The following PDGFD variants were observed in gnomAD, a reference collection of about 807,000 sequenced individuals.
PDGFD encodes platelet derived growth factor D.
PDGFD carries 30 observed loss-of-function variants against 44.7 expected under a neutral mutation model. The ratio of observed to expected loss-of-function variants is 0.67; its 90% CI spans 0.50 to 0.91. The LOEUF is 0.91. PDGFD is among the 40% of genes least tolerant of loss of function. The pLI, the probability that PDGFD is intolerant of heterozygous loss-of-function variation, is 0.00. For synonymous variants in PDGFD, 173 were observed against 168.4 expected, an observed-to-expected ratio of 1.03 and a Z score of -0.21; for missense variants, 445 against 457.8, an observed-to-expected ratio of 0.97 and a Z score of 0.25.
At chr11:103,957,131 C>T (rs901353516) in intron 3 of PDGFD, among the ~76,000 whole-genome samples, 11 of 152,040 alleles carry the variant, frequency 7.2e-5, no homozygotes, top group Non-Finnish European at 1.5e-4. Flanking sequence ...GAAGTCCTTG[C>T]CCATGCCTAT....
At chr11:104,081,121 TG>T (rs1237335506) in intron 1 of PDGFD, among the ~76,000 whole-genome samples, 14 of 152,330 alleles carry the variant, frequency 9.2e-5, no homozygotes, top group African/African-American at 3.1e-4. Context: ...TGTTTATTTT[TG>T]TTTTTTTTTA....
At chr11:103,956,239 A>T (rs1258619043) in intron 3 of PDGFD, among the ~76,000 whole-genome samples, 4 of 150,118 alleles carry the variant, frequency 2.7e-5, no homozygotes, top group African/African-American at 7.4e-5. Context: ...CAGTCCCCAG[A>T]GCGTGATGTT....
intron 1 of PDGFD, among the ~76,000 whole-genome samples, chr11:104,021,541 C>T (rs1015771587): frequency 3.3e-5 from 5 of 152,080 alleles, no homozygotes; most frequent in Non-Finnish European, 5.9e-5. Flanking sequence ...CTACTAGACC[C>T]GCTTATGCTT....
At chr11:104,140,386 T>C (rs1862068073) in intron 1 of PDGFD, among the ~76,000 whole-genome samples, 1 of 152,068 alleles carries the variant, frequency 6.6e-6, no homozygotes, top group African/African-American at 2.4e-5. Context: ...GTTAAAGAGA[T>C]TGAGCTCACA....
chr11:103,971,823 C>T (rs982329166), intron 3 of PDGFD, among the ~76,000 whole-genome samples: 2 of 152,164 alleles, frequency 1.3e-5, no homozygotes, highest in Non-Finnish European at 2.9e-5. Context: ...ACATTGACTA[C>T]ATCCTCAGGT....
chr11:104,149,658 A>T (rs1334496527), intron 1 of PDGFD, among the ~76,000 whole-genome samples: 1 of 152,084 alleles, frequency 6.6e-6, no homozygotes, highest in Admixed American at 6.6e-5. Flanking sequence ...TTTACACTTG[A>T]TGAATTTGTA....
chr11:104,054,147 GT>G (rs1860585597), intron 1 of PDGFD, among the ~76,000 whole-genome samples: 1 of 152,194 alleles, frequency 6.6e-6, no homozygotes, highest in Non-Finnish European at 1.5e-5. Context: ...TGGATTACAT[GT>G]TTATTTCATA....
intron 1 of PDGFD, among the ~76,000 whole-genome samples, chr11:104,011,285 G>A (rs1859782701): frequency 1.3e-5 from 2 of 152,020 alleles, no homozygotes; most frequent in South Asian, 4.1e-4. Flanking sequence ...AAAGCTGAGA[G>A]TTAGTTTGGT....
chr11:103,994,977 TCAA>T (rs995109413), intron 3 of PDGFD, among the ~76,000 whole-genome samples: 1 of 151,686 alleles, frequency 6.6e-6, no homozygotes, highest in African/African-American at 2.4e-5. Flanking sequence ...ACTCCTGGGC[TCAA>T]CAATTCTCCT....
intron 1 of PDGFD, among the ~76,000 whole-genome samples, chr11:104,079,143 T>G (rs1379864983): frequency 6.6e-6 from 1 of 152,182 alleles, no homozygotes; most frequent in East Asian, 1.9e-4. Flanking sequence ...TCAAACAAAG[T>G]AGACATGTTA....
intron 1 of PDGFD, among the ~76,000 whole-genome samples, chr11:104,076,738 C>T (rs1399831461): frequency 6.6e-6 from 1 of 152,122 alleles, no homozygotes; most frequent in Non-Finnish European, 1.5e-5. Context: ...GTACACCAGT[C>T]CACTTACACA....
intron 3 of PDGFD, among the ~76,000 whole-genome samples, chr11:103,955,203 A>C (rs1291104264): frequency 7.4e-6 from 1 of 134,948 alleles, no homozygotes; most frequent in Non-Finnish European, 1.6e-5. Context: ...AAAAAAAAAA[A>C]AAAAAACAGT....
At chr11:103,983,703 GAACTTAGAT>G (rs1343708906) in intron 3 of PDGFD, among the ~76,000 whole-genome samples, 2 of 151,532 alleles carry the variant, frequency 1.3e-5, no homozygotes, top group Non-Finnish European at 2.9e-5. Flanking sequence ...ACTCTATAAG[GAACTTAGAT>G]AAATTTACAA....
intron 1 of PDGFD, among the ~76,000 whole-genome samples, chr11:104,078,268 A>T (rs1343347805): frequency 6.6e-6 from 1 of 152,206 alleles, no homozygotes; most frequent in East Asian, 1.9e-4. Context: ...CAACAGCGGC[A>T]TTAACTCAGG....
At chr11:104,098,182 G>A (rs1861312439) in intron 1 of PDGFD, among the ~76,000 whole-genome samples, 1 of 152,110 alleles carries the variant, frequency 6.6e-6, no homozygotes, top group African/African-American at 2.4e-5. Context: ...GTATCCACCT[G>A]GTGCCTACTA....
At chr11:104,145,840 T>C (rs1449111555) in intron 1 of PDGFD, among the ~76,000 whole-genome samples, 1 of 152,146 alleles carries the variant, frequency 6.6e-6, no homozygotes, top group African/African-American at 2.4e-5. Flanking sequence ...TCTAATAGTA[T>C]AGGACACGTG....
At chr11:103,922,384 G>A (rs1358927916) in intron 6 of PDGFD, among the ~76,000 whole-genome samples, 3 of 152,082 alleles carry the variant, frequency 2.0e-5, no homozygotes, top group African/African-American at 7.2e-5. Flanking sequence ...TTAAGCTGAA[G>A]GAATTTGAGA....
chr11:104,091,941 C>A (rs901667511), intron 1 of PDGFD, among the ~76,000 whole-genome samples: 1 of 152,060 alleles, frequency 6.6e-6, no homozygotes, highest in Non-Finnish European at 1.5e-5. Context: ...ATATAAACAC[C>A]CCCAGCAAAT....
intron 1 of PDGFD, among the ~76,000 whole-genome samples, chr11:104,000,531 T>G (rs992726914): frequency 2.0e-5 from 3 of 152,102 alleles, no homozygotes; most frequent in Non-Finnish European, 2.9e-5. Flanking sequence ...TTAATGACCC[T>G]TTATTTTGTA....
Sources: allele counts gnomAD v4.1 joint callset (sites outside exome capture counted in the v4.1 genomes callset), GRCh38; gene constraint gnomAD v4.1.1; transcripts MANE v1.5; gene names NCBI Gene and HGNC (gene_info 2026-07-23, HGNC 2026-07-21).